SGCD: variants seen among roughly 807,000 people sequenced by gnomAD.
SGCD encodes sarcoglycan delta.
In SGCD, 18 loss-of-function variants were observed where a neutral mutation model predicts 36.6. That is an observed-to-expected ratio of 0.49 (90% CI 0.34 to 0.73). The LOEUF is 0.73. Ranked by LOEUF, SGCD falls within the 30% of genes least tolerant of loss-of-function variation. The probability of loss-of-function intolerance (pLI) is 0.01; values close to 1 mark genes in which losing one functional copy is unlikely to be tolerated. For synonymous variants in SGCD, 133 were observed against 130.6 expected (o/e 1.02, Z -0.12); for missense variants, 387 against 346.7 (o/e 1.12, Z -0.92).
the SGCD span, among the ~76,000 whole-genome samples, chr5:155,811,981 T>C: frequency 3.9e-5 from 6 of 152,248 alleles, no homozygotes; most frequent in Admixed American, 3.3e-4. Context: ...CAGTAATTTC[T>C]AACAGAGCCT....
intron 3 of SGCD, among the ~76,000 whole-genome samples, chr5:156,303,801 T>C (rs886072286): frequency 6.6e-6 from 1 of 151,616 alleles, no homozygotes; most frequent in Non-Finnish European, 1.5e-5. Flanking sequence ...CTTGGTAACC[T>C]CTTTTAAGGG....
At chr5:156,391,486 G>T (rs779725924) in intron 3 of SGCD, among the ~76,000 whole-genome samples, 3 of 152,128 alleles carry the variant, frequency 2.0e-5, no homozygotes, top group African/African-American at 7.2e-5. Context: ...AAAAAGAAAA[G>T]AAAAAGGATA....
At chr5:156,422,477 C>G (rs1453274455) in intron 3 of SGCD, among the ~76,000 whole-genome samples, 1 of 151,996 alleles carries the variant, frequency 6.6e-6, no homozygotes, top group Non-Finnish European at 1.5e-5. Flanking sequence ...AGCAGCATCA[C>G]AACAGCTTTT....
At chr5:155,773,095 C>A in the SGCD span, among the ~76,000 whole-genome samples, 1 of 152,026 alleles carries the variant, frequency 6.6e-6, no homozygotes, top group African/African-American at 2.4e-5. Context: ...CAGTAGTCAT[C>A]CACTTGACCA....
At position 156,426,232 on chromosome 5, in the gene SGCD, G is replaced by A. The variant is rs139404536; in HGVS notation, c.192+81555G>A. 9.8e-4 allele frequency among the ~76,000 whole-genome samples: 149 copies of A among 152,020 alleles called. 1 individual carries two copies. Among genetic ancestry groups the A allele is most frequent in the African/African-American group, 3.5e-3 (144 of 41,492 alleles). On this transcript the variant is annotated intron_variant, in intron 3 of 8. Coordinates refer to ENST00000337851, the MANE Select transcript of SGCD (RefSeq NM_000337.6). The stretch of plus-strand genomic sequence containing the variant: ...TCCATGCAAATATCTATTATTTTTC[G>A]ACTTTTTAATTATGGTCTTACCACC...
intron 3 of SGCD, among the ~76,000 whole-genome samples, chr5:156,320,261 G>T (rs1767623541): frequency 6.6e-6 from 1 of 152,066 alleles, no homozygotes; most frequent in Non-Finnish European, 1.5e-5. Flanking sequence ...GTACCACTGA[G>T]CACTGATATG....
At chr5:156,506,514 C>T (rs1756703077) in intron 3 of SGCD, among the ~76,000 whole-genome samples, 1 of 152,012 alleles carries the variant, frequency 6.6e-6, no homozygotes, top group Non-Finnish European at 1.5e-5. Context: ...CTAAAAATGG[C>T]TGATTGCAGT....
intron 1 of SGCD, among the ~76,000 whole-genome samples, chr5:156,031,090 G>T (rs572875050): frequency 2.6e-5 from 4 of 152,294 alleles, no homozygotes; most frequent in Admixed American, 2.6e-4. Flanking sequence ...GTGCTTTGGG[G>T]AGACTGATCT....
chr5:156,243,025 G>A (rs542207186), intron 3 of SGCD, among the ~76,000 whole-genome samples: 16 of 152,332 alleles, frequency 1.1e-4, no homozygotes, highest in African/African-American at 1.9e-4. Flanking sequence ...GACTGGCCAC[G>A]TCTGAGGGTG....
chr5:156,490,699 C>T (rs1013817591), intron 3 of SGCD, among the ~76,000 whole-genome samples: 9 of 151,972 alleles, frequency 5.9e-5, no homozygotes, highest in South Asian at 2.1e-4. Context: ...ATAGAAGGGA[C>T]GTACCTTGAC....
intron 1 of SGCD, among the ~76,000 whole-genome samples, chr5:155,948,603 CCTT>C (rs1757488340): frequency 1.3e-5 from 2 of 152,140 alleles, no homozygotes; most frequent in South Asian, 4.1e-4. Context: ...AAGCGGCAAT[CCTT>C]CTGTAAGTCA....
chr5:155,951,888 G>A (rs184463758), intron 1 of SGCD, among the ~76,000 whole-genome samples: 31 of 152,224 alleles, frequency 2.0e-4, no homozygotes, highest in Non-Finnish European at 4.0e-4. Flanking sequence ...AACCAGCAAT[G>A]GTTAATGTAC....
At chr5:155,970,712 A>T (rs1233458764) in intron 1 of SGCD, among the ~76,000 whole-genome samples, 1 of 152,186 alleles carries the variant, frequency 6.6e-6, no homozygotes, top group Non-Finnish European at 1.5e-5. Flanking sequence ...TATTATGTAT[A>T]ACGTGTATAC....
intron 3 of SGCD, among the ~76,000 whole-genome samples, chr5:156,469,722 T>C (rs1754872837): frequency 1.3e-5 from 2 of 152,230 alleles, no homozygotes; most frequent in African/African-American, 2.4e-5. Flanking sequence ...AGTTTCTTAC[T>C]TGAGATTAGC....
intron 1 of SGCD, among the ~76,000 whole-genome samples, chr5:155,912,006 A>G (rs1315857394): frequency 3.3e-5 from 5 of 152,040 alleles, no homozygotes; most frequent in Non-Finnish European, 4.4e-5. Context: ...TTTTGTGCAT[A>G]ACACTTTCCT....
chr5:155,913,465 C>G (rs1292990005), intron 1 of SGCD, among the ~76,000 whole-genome samples: 1 of 151,336 alleles, frequency 6.6e-6, no homozygotes, highest in Non-Finnish European at 1.5e-5. Flanking sequence ...TTTAGGGAAC[C>G]TTTTAGGGAA....
At chr5:156,498,211 T>C (rs1756282284) in intron 3 of SGCD, among the ~76,000 whole-genome samples, 1 of 146,600 alleles carries the variant, frequency 6.8e-6, no homozygotes, top group African/African-American at 2.5e-5. Flanking sequence ...CGTCATAGCA[T>C]GTCTCTTGAA....
chr5:156,488,934 G>T (rs538282911), intron 3 of SGCD, among the ~76,000 whole-genome samples: 1 of 152,170 alleles, frequency 6.6e-6, no homozygotes, highest in Non-Finnish European at 1.5e-5. Context: ...ATATAGACTG[G>T]TTGAATGGAT....
At chr5:156,548,711 G>A (rs1344385111) in intron 4 of SGCD, among the ~76,000 whole-genome samples, 1 of 152,098 alleles carries the variant, frequency 6.6e-6, no homozygotes, top group African/African-American at 2.4e-5. Flanking sequence ...GCAGAGTGCT[G>A]AATCAAGTGA....
Sources: allele counts gnomAD v4.1 joint callset (sites outside exome capture counted in the v4.1 genomes callset), GRCh38; gene constraint gnomAD v4.1.1; transcripts MANE v1.5; gene names NCBI Gene and HGNC (gene_info 2026-07-23, HGNC 2026-07-21).